CLIC5: variants seen among roughly 807,000 people sequenced by gnomAD.
CLIC5 encodes the protein chloride intracellular channel protein 5.
In CLIC5, 20 loss-of-function variants were observed where a neutral mutation model predicts 24.7. That is an observed-to-expected ratio of 0.81 (90% confidence interval 0.57 to 1.18). The LOEUF (loss-of-function observed/expected upper bound fraction) is 1.18. Ranked by LOEUF, CLIC5 falls within the 50% of genes most tolerant of loss-of-function variation. The probability of loss-of-function intolerance (pLI) is 0.00; values close to 1 mark genes in which losing one functional copy is unlikely to be tolerated. For missense variants in CLIC5, 341 were observed against 326.1 expected (o/e 1.05, Z -0.35); for synonymous variants, 159 against 135.6 (o/e 1.17, Z -1.20).
At chr6:46,050,146 C>T (rs900145096) in intron 1 of CLIC5, among the ~76,000 whole-genome samples, 1 of 152,104 alleles carries the variant, frequency 6.6e-6, no homozygotes, top group Non-Finnish European at 1.5e-5. Flanking sequence ...TCCATTGATC[C>T]TTCTCCATGT....
At chr6:45,954,507 G>A (rs924115200) in intron 2 of CLIC5, among the ~76,000 whole-genome samples, 2 of 152,166 alleles carry the variant, frequency 1.3e-5, no homozygotes, top group African/African-American at 2.4e-5. Context: ...AGAGGCAGAA[G>A]ATGAACACTT....
At chr6:46,084,976 T>A (rs1025473109), upstream of CLIC5, among the ~76,000 whole-genome samples, 1 of 152,174 alleles carries the variant, frequency 6.6e-6, no homozygotes, top group African/African-American at 2.4e-5. Context: ...TTCGTTTCTT[T>A]TTATTCTTTT....
the CLIC5 span, among the ~76,000 whole-genome samples, chr6:46,103,095 T>C: frequency 1.3e-5 from 2 of 152,214 alleles, no homozygotes; most frequent in Admixed American, 6.5e-5. Context: ...ACAGCAGTGT[T>C]TCCATTTTAC....
At chr6:46,020,108 CA>C (rs1767134575), upstream of CLIC5, among the ~76,000 whole-genome samples, 1 of 152,048 alleles carries the variant, frequency 6.6e-6, no homozygotes, top group Non-Finnish European at 1.5e-5. Context: ...ATATCCCACC[CA>C]AACAACAACA....
intron 5 of CLIC5, among the ~76,000 whole-genome samples, chr6:45,910,805 G>T (rs1762795479): frequency 6.6e-6 from 1 of 152,216 alleles, no homozygotes; most frequent in Admixed American, 6.5e-5. Context: ...GTTAGGTTCT[G>T]CCAAGAGGAG....
intron 1 of CLIC5, among the ~76,000 whole-genome samples, chr6:45,961,814 TCA>T (rs1274375349): frequency 6.6e-6 from 1 of 152,134 alleles, no homozygotes; most frequent in Non-Finnish European, 1.5e-5. Flanking sequence ...AAGGCCTAAT[TCA>T]CTGGGGTCAC....
chr6:46,096,775 G>A, the CLIC5 span, among the ~76,000 whole-genome samples: 1 of 152,220 alleles, frequency 6.6e-6, no homozygotes, highest in East Asian at 1.9e-4. Flanking sequence ...CAACATGGGT[G>A]AATCTCAAAA....
intron 4 of CLIC5, among the ~76,000 whole-genome samples, chr6:45,918,486 A>C (rs943520474): frequency 6.6e-6 from 1 of 152,172 alleles, no homozygotes; most frequent in African/African-American, 2.4e-5. Context: ...GGCAAAGCAG[A>C]CTCCTGGGGC....
At chr6:45,920,183 T>C in intron 4 of CLIC5, 2 of 978,858 alleles carry the variant, frequency 2.0e-6, no homozygotes, top group Non-Finnish European at 2.4e-6. Context: ...ATTTCAGATA[T>C]AATTCTTAGT....
intron 4 of CLIC5, among the ~76,000 whole-genome samples, chr6:45,931,646 T>G (rs10948265): frequency 0.24 from 36,458 of 152,084 alleles, 4,908 homozygotes; most frequent in East Asian, 0.41. Context: ...TTGTTGTTGT[T>G]TCTTAGAGGT....
chr6:46,123,835 G>T, the CLIC5 span, among the ~76,000 whole-genome samples: 3 of 152,144 alleles, frequency 2.0e-5, no homozygotes, highest in Non-Finnish European at 2.9e-5. Flanking sequence ...ATTCACAATT[G>T]CTTCAAAGAG....
chr6:46,097,852 G>A, the CLIC5 span, among the ~76,000 whole-genome samples: 7 of 152,058 alleles, frequency 4.6e-5, no homozygotes, highest in East Asian at 1.9e-4. Context: ...AATGGTAACC[G>A]TTTTTGTTAA....
In CLIC5 at chr6:45,914,493, T is replaced by G; in HGVS notation, c.407-84A>C. 11 of 1,380,666 alleles carry G rather than the reference T, an allele frequency of 8.0e-6. 1 individual carries two copies. The South Asian group carries it at 2.3e-4, about 29-fold the overall frequency. 85.5% of individuals were successfully genotyped at this position (1,380,666 alleles called of 1,614,324 possible). On this transcript the variant is annotated intron_variant, in intron 4 of 5. Coordinates refer to ENST00000339561, the MANE Select transcript of CLIC5 (RefSeq NM_016929.5). The stretch of plus-strand genomic sequence containing the variant: ...AGGGTCTTCAGAGTGGAGTAGCTCA[T>G]CTAGAATCCTGTCCCCTTCATCACA...
At chr6:46,095,819 A>G in the CLIC5 span, among the ~76,000 whole-genome samples, 1 of 152,012 alleles carries the variant, frequency 6.6e-6, no homozygotes, top group Non-Finnish European at 1.5e-5. Context: ...ATATTTTCAG[A>G]TATCTTTATC....
chr6:46,042,296 T>A (rs901394212), intron 1 of CLIC5, among the ~76,000 whole-genome samples: 16 of 152,224 alleles, frequency 1.1e-4, no homozygotes, highest in African/African-American at 3.9e-4. Context: ...AACAAACTTA[T>A]CTTTGAAATA....
intron 6 of CLIC5, among the ~76,000 whole-genome samples, chr6:45,884,973 T>TGTTTTTTTTTTTTTTTTTTTTTTTA (rs1561910232): frequency 6.6e-6 from 1 of 151,186 alleles, no homozygotes; most frequent in South Asian, 2.1e-4. Flanking sequence ...AAATAGGTTT[T>TGTTTTTTTTTTTTTTTTTTTTTTTA]TTAAAAAATC....
At chr6:46,033,583 C>T (rs1379342856) in intron 1 of CLIC5, among the ~76,000 whole-genome samples, 2 of 152,200 alleles carry the variant, frequency 1.3e-5, no homozygotes, top group East Asian at 1.9e-4. Context: ...GCCTTGCCAC[C>T]TAATGGGCCC....
chr6:46,082,134 G>T (rs910334729), upstream of CLIC5, among the ~76,000 whole-genome samples: 1 of 152,096 alleles, frequency 6.6e-6, no homozygotes, highest in Non-Finnish European at 1.5e-5. Context: ...AATGCAGTGT[G>T]TAGCTCATAA....
chr6:46,112,846 C>T, the CLIC5 span, among the ~76,000 whole-genome samples: 2 of 152,258 alleles, frequency 1.3e-5, no homozygotes, highest in South Asian at 4.2e-4. Context: ...CACCTGAGGT[C>T]AGGAGTTTGA....
Sources: allele counts gnomAD v4.1 joint callset (sites outside exome capture counted in the v4.1 genomes callset), GRCh38; gene constraint gnomAD v4.1.1; transcripts MANE v1.5; gene names NCBI Gene and HGNC (gene_info 2026-07-23, HGNC 2026-07-21).